KCNT1: variants seen among roughly 807,000 people sequenced by gnomAD.
KCNT1 encodes potassium sodium-activated channel subfamily T member 1.
Under a neutral mutation model 147.8 loss-of-function variants are expected in KCNT1, and 78 were observed. The ratio of observed to expected loss-of-function variants is 0.53; its 90% CI spans 0.44 to 0.64. The LOEUF (loss-of-function observed/expected upper bound fraction) is 0.64. Among genes scored for constraint, KCNT1 ranks in the 30% least tolerant of loss-of-function variants. KCNT1 has a pLI of 0.00. For synonymous variants in KCNT1, 867 were observed against 748.8 expected (o/e 1.16, Z -2.58); for missense variants, 1,419 against 1,750.3 (o/e 0.81, Z 3.38).
chr9:135,770,243 G>T, intron 16 of KCNT1, 55 bp from the exon 17 acceptor site: 1 of 1,545,738 alleles, frequency 6.5e-7, no homozygotes, highest in South Asian at 1.2e-5. Flanking sequence ...CAGCCGGGGA[G>T]AAGGGGCAGC....
intron 24 of KCNT1, among the ~76,000 whole-genome samples, chr9:135,782,838 A>T (rs904741361): frequency 2.0e-5 from 3 of 152,216 alleles, no homozygotes; most frequent in African/African-American, 4.8e-5. Flanking sequence ...CGCCCATCGC[A>T]GCTCATCGCA....
intron 19 of KCNT1, 26 bp downstream of exon 19, chr9:135,772,975 C>T (rs1832863431): frequency 7.1e-7 from 1 of 1,417,076 alleles, no homozygotes; most frequent in Non-Finnish European, 9.2e-7. Flanking sequence ...GAGACGGCTC[C>T]CAGTGGGGGG....
At chr9:135,787,987 C>A in intron 29 of KCNT1, 1 of 769,368 alleles carries the variant, frequency 1.3e-6, no homozygotes. Context: ...TGGTGGCCGG[C>A]CTCCCGTGCA....
At chr9:135,731,960 G>GTATATATA (rs776201547) in intron 2 of KCNT1, among the ~76,000 whole-genome samples, 777 of 41,032 alleles carry the variant, frequency 0.019, 50 homozygotes, top group Non-Finnish European at 0.024. Flanking sequence ...AAATATGCGT[G>GTATATATA]TATATATATA....
At position 135,752,073 on chromosome 9, in the gene KCNT1, C is replaced by T. The variant is rs1288922402; in HGVS notation, c.434+1032C>T. On this transcript the variant is annotated intron_variant, in intron 4 of 30. Transcript: ENST00000371757. The surrounding 1 kb of genome is among the most constrained non-coding windows in gnomAD (Gnocchi z 5.1). ...GTAGATTTCCTCAAATGTCTGGTGC[C>T]GTTTATGCGTAAGAGTGCTCAGGCG... 14 of 224,104 alleles carry T rather than the reference C, an allele frequency of 6.2e-5. No homozygotes were observed. The highest frequency in any genetic ancestry group is 4.6e-4 in the South Asian group (8 of 17,370). The allele number at this position is 224,104 out of a possible 1,614,324, so 13.9% of individuals were successfully genotyped here.
At chr9:135,760,472 C>T (rs1260534169) in intron 11 of KCNT1, among the ~76,000 whole-genome samples, 8 of 152,192 alleles carry the variant, frequency 5.3e-5, no homozygotes, top group Non-Finnish European at 1.5e-5. Flanking sequence ...GGAGGGGACC[C>T]CTGTGGGTGG....
intron 29 of KCNT1, among the ~76,000 whole-genome samples, chr9:135,787,488 C>A (rs1051594551): frequency 2.0e-5 from 3 of 152,214 alleles, no homozygotes; most frequent in African/African-American, 4.8e-5. Context: ...TCTGTCCCGT[C>A]GGAGTGCCCC....
At position 135,768,646 on chromosome 9, in the gene KCNT1, C is replaced by T; in HGVS notation, c.1374C>T (p.Ser458=). 1 of 1,550,552 alleles carries T rather than the reference C, an allele frequency of 6.4e-7. No homozygotes were observed. Among genetic ancestry groups the T allele is most frequent in the Non-Finnish European group, 8.7e-7 (1 of 1,146,868 alleles). Residue 458 remains serine, a synonymous_variant, in exon 14 of 31, where the codon AGC becomes AGT. Transcript: ENST00000371757. ...GGGAGGCCTGCTTCATCCTCAGCAG[C>T]AGGAACGAGGTGGACCGCACGGCTG... ...DNGEACFILS[S]RNEVDRTAAD... is the part of the protein sequence containing the mutation.
chr9:135,722,520 G>A (rs368056257), intron 2 of KCNT1, among the ~76,000 whole-genome samples: 1 of 152,204 alleles, frequency 6.6e-6, no homozygotes, highest in Non-Finnish European at 1.5e-5. Flanking sequence ...CATCCGGCGC[G>A]TCCAGCTGAA....
At position 135,702,330 on chromosome 9, in the gene KCNT1, C is replaced by A; in HGVS notation, c.72C>A (p.Asn24Lys). 3 of 1,611,744 alleles carry A rather than the reference C, an allele frequency of 1.9e-6. No individual in the cohort carries two copies. Among genetic ancestry groups the A allele is most frequent in the Non-Finnish European group, 2.5e-6 (3 of 1,179,374 alleles). Residue 24 changes from asparagine (N) to lysine (K), a missense_variant, in exon 1 of 31, where the codon AAC becomes AAA. Asn to Lys is a moderately conservative substitution (Grantham distance 94). Transcript: ENST00000371757. ...CREARGGGYT[N>K]RTFEFDDGQC... Reference sequence around the variant, plus strand: ...AGGCGCGCGGCGGGGGCTACACCAACCGGACCTTCGAGTTTGACGACGGCC... The same window carrying A: ...AGGCGCGCGGCGGGGGCTACACCAAACGGACCTTCGAGTTTGACGACGGCC...
intron 2 of KCNT1, among the ~76,000 whole-genome samples, chr9:135,743,542 A>G (rs1291595159): frequency 6.6e-6 from 1 of 152,126 alleles, no homozygotes; most frequent in Non-Finnish European, 1.5e-5. Flanking sequence ...AGTGGCCACC[A>G]CCGGACCTCT....
At chr9:135,785,223 G>C in intron 27 of KCNT1, 87 bp from the exon 28 acceptor site, 1 of 1,576,926 alleles carries the variant, frequency 6.3e-7, no homozygotes, top group Non-Finnish European at 8.6e-7. Flanking sequence ...CCAGCCCTAA[G>C]CATGTTCCGT....
rs1041560465 is a variant in KCNT1 at position 135,714,141 on chromosome 9, G to A, written c.111-436G>A. On this transcript the variant is annotated intron_variant, in intron 1 of 30. Transcript: ENST00000371757. This position sits in a 1 kb window ranked among gnomAD's most constrained non-coding sequence, Gnocchi z 6.2. ...GAAGGAAGATTGAGCAGCCGGCCTC[G>A]GCAAAGACCCTGGGGACGGGGAGGG... is the stretch of plus-strand genomic sequence containing the variant. Among the ~76,000 whole-genome samples the A allele has an allele frequency of 3.9e-5, 6 of 151,968 alleles. No individual in the cohort carries two copies. The highest frequency in any genetic ancestry group is 2.1e-4 in the South Asian group (1 of 4,822).
chr9:135,779,173 ACC>A (rs1334508865), intron 23 of KCNT1, among the ~76,000 whole-genome samples, 184 bp from the exon 24 acceptor site: 1 of 110,512 alleles, frequency 9.0e-6, no homozygotes, highest in Non-Finnish European at 1.8e-5. Context: ...CTGCCCTGAG[ACC>A]CCCCACAGCC....
intron 2 of KCNT1, among the ~76,000 whole-genome samples, chr9:135,745,607 G>A (rs777444394): frequency 2.0e-5 from 3 of 152,224 alleles, no homozygotes; most frequent in East Asian, 1.9e-4. Flanking sequence ...CGTCCCAAGA[G>A]AAGCCTGGGA....
At chr9:135,759,161 C>T (rs367797250) in intron 10 of KCNT1, among the ~76,000 whole-genome samples, 16 of 152,314 alleles carry the variant, frequency 1.1e-4, no homozygotes, top group East Asian at 9.7e-4. Flanking sequence ...TGGGACCTGG[C>T]GGCGACCCCA....
intron 2 of KCNT1, among the ~76,000 whole-genome samples, chr9:135,748,533 C>T (rs1231369619): frequency 6.6e-6 from 1 of 152,250 alleles, no homozygotes; most frequent in Admixed American, 6.5e-5. Flanking sequence ...GCTCACAGCC[C>T]ACCCACTGGG....
Position 135,716,890 on chromosome 9 carries a change from G to A in KCNT1, c.254+2170G>A, listed in dbSNP as rs563497359. ...AGTGGCCAGGGATTAGAGCTTCGGG[G>A]CTGTGTGGTCGCCATACCTGTCCTG... On this transcript the variant is annotated intron_variant, in intron 2 of 30. Transcript: ENST00000371757. Among the ~76,000 whole-genome samples the A allele has an allele frequency of 9.2e-5, 14 of 152,350 alleles. No individual in the cohort carries two copies. In the South Asian group the frequency reaches 2.3e-3, roughly 25 times the overall value.
At chr9:135,723,030 G>A (rs763813858) in intron 2 of KCNT1, among the ~76,000 whole-genome samples, 3 of 152,224 alleles carry the variant, frequency 2.0e-5, no homozygotes, top group Non-Finnish European at 2.9e-5. Flanking sequence ...CAGGTCCCTC[G>A]GGAGAGCCTC....
Sources: gnomAD v4.1 joint callset for allele counts (sites outside exome capture counted in the v4.1 genomes callset) on GRCh38, gnomAD v4.1.1 for gene constraint, Gnocchi (gnomAD v3.1) non-coding constraint, MANE v1.5 for transcripts, NCBI Gene and HGNC (gene_info 2026-07-23, HGNC 2026-07-21) for gene names.